The following DIRAS2 variants were observed in gnomAD, a reference collection of about 807,000 sequenced individuals.
DIRAS2 encodes DIRAS family GTPase 2.
A neutral mutation model predicts 13.9 loss-of-function variants in DIRAS2; 5 were observed. The ratio of observed to expected loss-of-function variants is 0.36; its 90% CI spans 0.19 to 0.76. DIRAS2 has a LOEUF of 0.76. Among genes scored for constraint, DIRAS2 ranks in the 30% least tolerant of loss-of-function variants. DIRAS2 has a pLI of 0.53. For missense variants in DIRAS2, 191 were observed against 263.0 expected (o/e 0.73, Z 1.89); for synonymous variants, 111 against 105.4 (o/e 1.05, Z -0.33).
intron 1 of DIRAS2, among the ~76,000 whole-genome samples, chr9:90,629,527 A>AT (rs1176372500): frequency 1.4e-5 from 2 of 142,056 alleles, no homozygotes; most frequent in Non-Finnish European, 1.6e-5. Flanking sequence ...GAAGACATAT[A>AT]GAAAAAAAAA....
At chr9:90,632,845 C>T (rs998402503) in intron 1 of DIRAS2, among the ~76,000 whole-genome samples, 1 of 152,230 alleles carries the variant, frequency 6.6e-6, no homozygotes, top group South Asian at 2.1e-4. Flanking sequence ...ACATGTGTTT[C>T]TGTGGGCTGG....
At chr9:90,636,627 T>C (rs1436657469) in intron 1 of DIRAS2, among the ~76,000 whole-genome samples, 1 of 152,206 alleles carries the variant, frequency 6.6e-6, no homozygotes, top group Middle Eastern at 3.2e-3. Flanking sequence ...ATAAATTGAA[T>C]GGTAGTGGAA....
At chr9:90,624,831 C>T (rs1320200869) in intron 1 of DIRAS2, among the ~76,000 whole-genome samples, 1 of 152,136 alleles carries the variant, frequency 6.6e-6, no homozygotes, top group Non-Finnish European at 1.5e-5. Flanking sequence ...TCTCCTGCCT[C>T]AGCCTCCCGA....
chr9:90,614,441 A>T (rs1452498806), intron 1 of DIRAS2, among the ~76,000 whole-genome samples: 1 of 151,706 alleles, frequency 6.6e-6, no homozygotes, highest in Non-Finnish European at 1.5e-5. Context: ...AATCCTCACC[A>T]CTCTGCAGGA....
chr9:90,629,504 C>T (rs1438741186), intron 1 of DIRAS2, among the ~76,000 whole-genome samples: 1 of 150,596 alleles, frequency 6.6e-6, no homozygotes, highest in Non-Finnish European at 1.5e-5. Flanking sequence ...ACTTCTTTCT[C>T]AAAATCTTAT....
intron 1 of DIRAS2, among the ~76,000 whole-genome samples, chr9:90,634,380 G>A (rs537130140): frequency 1.8e-4 from 27 of 152,304 alleles, no homozygotes; most frequent in African/African-American, 5.1e-4. Flanking sequence ...CATGGTGACC[G>A]GGCAGGTTAG....
intron 1 of DIRAS2, among the ~76,000 whole-genome samples, chr9:90,620,657 G>A (rs1425391394): frequency 6.6e-6 from 1 of 151,780 alleles, no homozygotes; most frequent in Non-Finnish European, 1.5e-5. Context: ...TCGGGTGACT[G>A]AGGCACGAGA....
At position 90,636,471 on chromosome 9, in the gene DIRAS2, G is replaced by T. The variant is rs1481954416; in HGVS notation, c.-37+6281C>A. On this transcript the variant is annotated intron_variant, in intron 1 of 1. Coordinates refer to ENST00000375765, the MANE Select transcript of DIRAS2 (RefSeq NM_017594.5). The stretch of plus-strand genomic sequence containing the variant: ...ACCATGCAAAAATCAACAATATTTT[G>T]TTTGAAATGCAACAAAATATGACAA... 2.6e-5 allele frequency among the ~76,000 whole-genome samples: 4 copies of T among 152,138 alleles called. No individual in the cohort carries two copies. In the East Asian group the frequency reaches 7.7e-4, roughly 29 times the overall value.
In DIRAS2 at chr9:90,614,962, A is replaced by G. The variant is rs1479507328; in HGVS notation, c.-36-1099T>C. ...TCTTCGGTAAGGAAGGACATATAAC[A>G]CCAAACAAAATAGAGAATTACACAA... is the stretch of plus-strand genomic sequence containing the variant. On this transcript the variant is annotated intron_variant, in intron 1 of 1. Coordinates refer to ENST00000375765, the MANE Select transcript of DIRAS2 (RefSeq NM_017594.5). Among the ~76,000 whole-genome samples, 9 of 152,340 alleles carry G rather than the reference A, an allele frequency of 5.9e-5. No individual in the cohort carries two copies. The South Asian group carries it at 8.3e-4, about 14-fold the overall frequency.
At chr9:90,621,645 GC>G (rs1328589353) in intron 1 of DIRAS2, among the ~76,000 whole-genome samples, 1 of 152,122 alleles carries the variant, frequency 6.6e-6, no homozygotes, top group East Asian at 1.9e-4. Context: ...TCATTCAGGA[GC>G]CCCCCAGTTT....
chr9:90,632,970 G>A (rs1418460510), intron 1 of DIRAS2, among the ~76,000 whole-genome samples: 1 of 152,186 alleles, frequency 6.6e-6, no homozygotes, highest in Non-Finnish European at 1.5e-5. Context: ...GCTCTCTGTT[G>A]TAGACGGATT....
In DIRAS2 at chr9:90,613,712, G is replaced by A. The variant is rs753119264; in HGVS notation, c.116C>T (p.Thr39Met). 1.9e-6 allele frequency: 3 copies of A among 1,614,078 alleles called. No individual in the cohort carries two copies. The highest frequency in any genetic ancestry group is 1.7e-6 in the Non-Finnish European group (2 of 1,180,026). ...KGTFRESYIP[T>M]VEDTYRQVIS... ...CACTTGCCGGTAGGTGTCTTCCACC[G>A]TCGGGATGTAGCTCTCCCGGAATGT... Residue 39 changes from threonine (T) to methionine (M), a missense_variant, in exon 2 of 2, where the codon ACG (threonine) becomes ATG (methionine). Coordinates refer to ENST00000375765, the MANE Select transcript of DIRAS2 (RefSeq NM_017594.5). The surrounding 1 kb of genome is among the most constrained non-coding windows in gnomAD (Gnocchi z 5.6).
At chr9:90,633,761 G>A (rs1825347201) in intron 1 of DIRAS2, among the ~76,000 whole-genome samples, 1 of 152,220 alleles carries the variant, frequency 6.6e-6, no homozygotes, top group Non-Finnish European at 1.5e-5. Context: ...CCCACTGGAT[G>A]CAAAGCAATG....
At chr9:90,625,362 C>T (rs1825258644) in intron 1 of DIRAS2, among the ~76,000 whole-genome samples, 1 of 152,192 alleles carries the variant, frequency 6.6e-6, no homozygotes, top group Non-Finnish European at 1.5e-5. Flanking sequence ...TTTTGTTTCT[C>T]ATGCTTTTGG....
chr9:90,635,373 C>G (rs1363982760), intron 1 of DIRAS2, among the ~76,000 whole-genome samples: 1 of 152,196 alleles, frequency 6.6e-6, no homozygotes, highest in Non-Finnish European at 1.5e-5. Context: ...TAAACTGTTG[C>G]AGAAGGAAGC....
chr9:90,627,389 C>T (rs999297455), intron 1 of DIRAS2, among the ~76,000 whole-genome samples: 1 of 152,146 alleles, frequency 6.6e-6, no homozygotes, highest in Non-Finnish European at 1.5e-5. Context: ...CACGGATGAA[C>T]CTTGAGGACA....
chr9:90,627,426 A>G (rs547303340), intron 1 of DIRAS2, among the ~76,000 whole-genome samples: 40 of 152,366 alleles, frequency 2.6e-4, no homozygotes, highest in African/African-American at 9.1e-4. Context: ...AAGCCAGTCA[A>G]AAAAGACAAA....
At chr9:90,624,859 C>T (rs934730649) in intron 1 of DIRAS2, among the ~76,000 whole-genome samples, 3 of 152,076 alleles carry the variant, frequency 2.0e-5, no homozygotes, top group Non-Finnish European at 2.9e-5. Flanking sequence ...GGACTACAGG[C>T]GGGCGCCACC....
chr9:90,641,409 C>T (rs963474053), intron 1 of DIRAS2, among the ~76,000 whole-genome samples: 4 of 152,234 alleles, frequency 2.6e-5, no homozygotes, highest in South Asian at 2.1e-4. Context: ...TGTGCTTGCC[C>T]GGGACTATTA....
Sources: gnomAD v4.1 joint callset for allele counts (sites outside exome capture counted in the v4.1 genomes callset) on GRCh38, gnomAD v4.1.1 for gene constraint, Gnocchi (gnomAD v3.1) non-coding constraint, MANE v1.5 for transcripts, NCBI Gene and HGNC (gene_info 2026-07-23, HGNC 2026-07-21) for gene names.